The following TSPAN5 variants were observed in gnomAD, a reference collection of about 807,000 sequenced individuals.
TSPAN5 encodes tetraspanin 5, also known as tetraspanin-5.
A neutral mutation model predicts 37.1 loss-of-function variants in TSPAN5; 10 were observed. The observed-to-expected ratio is 0.27, with a 90% CI of 0.17 to 0.46. The LOEUF is 0.46. Among genes scored for constraint, TSPAN5 ranks in the 20% least tolerant of loss-of-function variants. TSPAN5 has a pLI of 1.00. For synonymous variants in TSPAN5, 110 were observed against 118.9 expected (o/e 0.93, Z 0.48); for missense variants, 195 against 326.6 (o/e 0.60, Z 3.11).
At chr4:98,646,555 G>T (rs1757072329) in intron 1 of TSPAN5, among the ~76,000 whole-genome samples, 1 of 152,022 alleles carries the variant, frequency 6.6e-6, no homozygotes, top group African/African-American at 2.4e-5. Context: ...ATTTTGCAAA[G>T]AAAATAGTGA....
intron 1 of TSPAN5, among the ~76,000 whole-genome samples, chr4:98,649,005 G>T (rs539650419): frequency 5.9e-5 from 9 of 152,320 alleles, no homozygotes; most frequent in South Asian, 4.1e-4. Flanking sequence ...TCCTACAGAA[G>T]TGACCCCTAG....
intron 1 of TSPAN5, among the ~76,000 whole-genome samples, chr4:98,508,034 G>A (rs1753516597): frequency 6.6e-6 from 1 of 152,138 alleles, no homozygotes; most frequent in Non-Finnish European, 1.5e-5. Context: ...TTTAGGGTAG[G>A]GGAGGAAACG....
chr4:98,556,044 CACA>C (rs774050696), intron 1 of TSPAN5, among the ~76,000 whole-genome samples: 13,443 of 119,282 alleles, frequency 0.11, 3,518 homozygotes, highest in African/African-American at 0.3. Flanking sequence ...AGCACCCCCA[CACA>C]CACACACACA....
At chr4:98,644,538 G>C (rs1232982224) in intron 1 of TSPAN5, among the ~76,000 whole-genome samples, 3 of 151,688 alleles carry the variant, frequency 2.0e-5, no homozygotes, top group African/African-American at 7.3e-5. Context: ...TTAAGTTTTA[G>C]GGTACATGTG....
chr4:98,657,144 C>T (rs1022944991), intron 1 of TSPAN5, among the ~76,000 whole-genome samples: 9 of 152,196 alleles, frequency 5.9e-5, no homozygotes, highest in African/African-American at 2.2e-4. Flanking sequence ...ACGTTTTCCC[C>T]TTGTCCTGGA....
At chr4:98,592,428 G>GTTTTTTTTTTTTTTTTTTTTTTTTTTTT (rs35941064) in intron 1 of TSPAN5, among the ~76,000 whole-genome samples, 1 of 119,104 alleles carries the variant, frequency 8.4e-6, no homozygotes, top group African/African-American at 3.2e-5. Flanking sequence ...TCTGTTTTTT[G>GTTTTTTTTTTTTTTTTTTTTTTTTTTTT]TTTTTTTTTT....
At chr4:98,505,730 T>G (rs1753464700) in intron 2 of TSPAN5, among the ~76,000 whole-genome samples, 1 of 152,176 alleles carries the variant, frequency 6.6e-6, no homozygotes. Flanking sequence ...TTCCCCACAC[T>G]CAGGCCCCAG....
In TSPAN5 at chr4:98,486,846, G is replaced by T. The variant is rs932792051; in HGVS notation, c.171C>A (p.Gly57=). The part of the protein sequence containing the change: ...LSNISSITDL[G]GFDPVWLFLV... ...GGAAGAGCCAAACTGGGTCAAAGCC[G>T]CCGAGATCGGTGATGGAAGAGATGT... Residue 57 remains glycine (G), a synonymous_variant, in exon 3 of 8, where the codon GGC becomes GGA. Transcript: ENST00000305798. The T allele has an allele frequency of 1.9e-6, 3 of 1,613,922 alleles. No homozygotes were observed. The highest frequency in any genetic ancestry group is 2.5e-6 in the Non-Finnish European group (3 of 1,180,016).
intron 1 of TSPAN5, among the ~76,000 whole-genome samples, chr4:98,526,509 G>A (rs1468001880): frequency 3.9e-5 from 6 of 152,216 alleles, no homozygotes; most frequent in Non-Finnish European, 5.9e-5. Flanking sequence ...ATGTTCACAG[G>A]TTGATAAATG....
Position 98,658,445 on chromosome 4 carries a change from C to T in TSPAN5, c.-219G>A, listed in dbSNP as rs1268797283. The T allele has an allele frequency of 1.6e-5, 5 of 305,946 alleles. No individual in the cohort carries two copies. Among genetic ancestry groups the T allele is most frequent in the Non-Finnish European group, 3.0e-5 (5 of 168,832 alleles). The allele number at this position is 305,946 out of a possible 1,614,324, so 19.0% of individuals were successfully genotyped here. A position where few individuals can be genotyped will look rare whatever the true frequency, so the allele number is the denominator to read the frequency against. ...GAGGCCGCCGGAGCCGGGGTGGCCG[C>T]GAGAAAGCAGGGAAGCCGCGCGCTG... On this transcript the variant is annotated 5_prime_UTR_variant, in exon 1 of 8. Transcript: ENST00000305798.
chr4:98,492,948 T>C (rs1753117039), intron 2 of TSPAN5, among the ~76,000 whole-genome samples: 3 of 152,102 alleles, frequency 2.0e-5, no homozygotes, highest in Admixed American at 1.3e-4. Context: ...GAGGCCGAGG[T>C]AGGGGGATTG....
chr4:98,616,586 G>A (rs970782940), intron 1 of TSPAN5, among the ~76,000 whole-genome samples: 10 of 152,172 alleles, frequency 6.6e-5, no homozygotes, highest in African/African-American at 1.9e-4. Context: ...GGGGAGCATA[G>A]CGCACAGCCT....
chr4:98,518,709 C>T (rs1286349370), intron 1 of TSPAN5, among the ~76,000 whole-genome samples: 1 of 152,212 alleles, frequency 6.6e-6, no homozygotes, highest in Non-Finnish European at 1.5e-5. Context: ...GGCTATGGTC[C>T]CGCACCAGTG....
intron 1 of TSPAN5, among the ~76,000 whole-genome samples, chr4:98,639,690 C>G (rs546249783): frequency 6.6e-6 from 1 of 152,158 alleles, no homozygotes; most frequent in Non-Finnish European, 1.5e-5. Context: ...ATCCTTCGCT[C>G]AATATGGTGA....
At chr4:98,630,496 T>A (rs1756720056) in intron 1 of TSPAN5, among the ~76,000 whole-genome samples, 2 of 152,240 alleles carry the variant, frequency 1.3e-5, no homozygotes, top group Admixed American at 1.3e-4. Context: ...TTAATCCATC[T>A]TGTATTGTCA....
intron 1 of TSPAN5, among the ~76,000 whole-genome samples, chr4:98,576,701 CA>C (rs1321609286): frequency 6.6e-6 from 1 of 151,930 alleles, no homozygotes; most frequent in African/African-American, 2.4e-5. Context: ...GACCCTGTCT[CA>C]AAAAAAGGCC....
At chr4:98,499,059 C>T (rs2110277842) in intron 2 of TSPAN5, among the ~76,000 whole-genome samples, 1 of 152,210 alleles carries the variant, frequency 6.6e-6, no homozygotes, top group Middle Eastern at 3.4e-3. Context: ...AGGAAGGTGG[C>T]CAGGGATGAG....
At chr4:98,481,961 G>A (rs765309020) in intron 4 of TSPAN5, 44 bp downstream of exon 4, 18 of 1,599,648 alleles carry the variant, frequency 1.1e-5, no homozygotes, top group Admixed American at 6.8e-5. Flanking sequence ...TGGGGTCATC[G>A]TTCAGAGAAC....
intron 1 of TSPAN5, among the ~76,000 whole-genome samples, chr4:98,633,384 T>C (rs1452588948): frequency 1.3e-5 from 2 of 152,160 alleles, no homozygotes; most frequent in African/African-American, 2.4e-5. Context: ...TAATTCTCAG[T>C]GTTTGCAGCG....
Sources: gnomAD v4.1 joint callset for allele counts (sites outside exome capture counted in the v4.1 genomes callset) on GRCh38, gnomAD v4.1.1 for gene constraint, MANE v1.5 for transcripts, NCBI Gene and HGNC (gene_info 2026-07-23, HGNC 2026-07-21) for gene names.